The following DLGAP2 variants were observed in gnomAD, a reference collection of about 807,000 sequenced individuals.
DLGAP2 encodes DLG associated protein 2.
In DLGAP2, 26 loss-of-function variants were observed where a neutral mutation model predicts 100.3. The observed-to-expected ratio is 0.26, with a 90% CI of 0.19 to 0.36. The LOEUF is 0.36. Among genes scored for constraint, DLGAP2 ranks in the 10% least tolerant of loss-of-function variants. The pLI is 1.00. For synonymous variants in DLGAP2, 886 were observed against 630.1 expected, an observed-to-expected ratio of 1.41 and a Z score of -6.08; for missense variants, 1,858 against 1,453.2, an observed-to-expected ratio of 1.28 and a Z score of -4.53.
chr8:1,499,595 A>C (rs1563185036), intron 3 of DLGAP2, among the ~76,000 whole-genome samples: 1 of 152,226 alleles, frequency 6.6e-6, no homozygotes, highest in South Asian at 2.1e-4. Flanking sequence ...TAGCTGAAAA[A>C]CGCAGCTTAA....
intron 3 of DLGAP2, among the ~76,000 whole-genome samples, chr8:1,453,447 C>G (rs1407577744): frequency 6.6e-6 from 1 of 152,118 alleles, no homozygotes; most frequent in Non-Finnish European, 1.5e-5. Flanking sequence ...CTAATTATTC[C>G]ATACCTAACA....
intron 1 of DLGAP2, among the ~76,000 whole-genome samples, chr8:791,717 G>T (rs190108263): frequency 6.6e-6 from 1 of 152,214 alleles, no homozygotes; most frequent in African/African-American, 2.4e-5. Context: ...TTTTTTATTT[G>T]GGAGTAATTT....
chr8:1,119,862 TG>T (rs1201685905), intron 2 of DLGAP2, among the ~76,000 whole-genome samples: 1 of 152,148 alleles, frequency 6.6e-6, no homozygotes, highest in East Asian at 1.9e-4. Flanking sequence ...ATACAGTGAA[TG>T]GGGTCCAGCA....
intron 6 of DLGAP2, among the ~76,000 whole-genome samples, chr8:1,610,301 C>A (rs1342766379): frequency 2.6e-5 from 4 of 151,956 alleles, no homozygotes; most frequent in Non-Finnish European, 5.9e-5. Context: ...GGGTACATAA[C>A]GAAATGAAGG....
intron 2 of DLGAP2, among the ~76,000 whole-genome samples, chr8:965,681 A>T (rs540890975): frequency 1.5e-5 from 2 of 132,072 alleles, no homozygotes; most frequent in Non-Finnish European, 3.2e-5. Context: ...TGCACACGGC[A>T]CTGTTCACCT....
At chr8:1,231,087 A>T (rs1585172496) in intron 2 of DLGAP2, among the ~76,000 whole-genome samples, 1 of 152,314 alleles carries the variant, frequency 6.6e-6, no homozygotes, top group Middle Eastern at 3.4e-3. Context: ...ATGGGAGAAA[A>T]TATTTGCAAG....
intron 1 of DLGAP2, among the ~76,000 whole-genome samples, chr8:755,699 G>A (rs776099134): frequency 6.6e-6 from 1 of 152,178 alleles, no homozygotes; most frequent in Non-Finnish European, 1.5e-5. Flanking sequence ...TTGACTAGCG[G>A]CTGGCATGGC....
At chr8:1,544,688 A>G (rs1301503936) in intron 4 of DLGAP2, among the ~76,000 whole-genome samples, 1 of 151,986 alleles carries the variant, frequency 6.6e-6, no homozygotes, top group African/African-American at 2.4e-5. Flanking sequence ...CACTGTATAT[A>G]ATTCTCCTCA....
intron 1 of DLGAP2, among the ~76,000 whole-genome samples, chr8:900,335 G>A (rs139027369): frequency 0.011 from 1,701 of 150,872 alleles, 11 homozygotes; most frequent in Non-Finnish European, 0.017. Flanking sequence ...TGTCGCTCCC[G>A]GGTGGACGGT....
At chr8:1,337,516 ATGC>A (rs1258778893) in intron 3 of DLGAP2, among the ~76,000 whole-genome samples, 1 of 148,526 alleles carries the variant, frequency 6.7e-6, no homozygotes, top group Non-Finnish European at 1.5e-5. Context: ...GATGATGGTG[ATGC>A]TGATGATAGT....
At chr8:814,997 A>T (rs542957592) in intron 1 of DLGAP2, among the ~76,000 whole-genome samples, 1 of 152,328 alleles carries the variant, frequency 6.6e-6, no homozygotes, top group South Asian at 2.1e-4. Flanking sequence ...AGTGTTAAGC[A>T]TAAAAAGAAC....
chr8:1,340,406 A>C (rs1041765940), intron 3 of DLGAP2, among the ~76,000 whole-genome samples: 3 of 152,244 alleles, frequency 2.0e-5, no homozygotes, highest in African/African-American at 7.2e-5. Context: ...AACCATTAAA[A>C]AGCGGACAAA....
At chr8:1,416,848 C>T (rs373339906) in intron 3 of DLGAP2, among the ~76,000 whole-genome samples, 1 of 152,186 alleles carries the variant, frequency 6.6e-6, no homozygotes, top group Admixed American at 6.5e-5. Flanking sequence ...TGTTGCAAAG[C>T]GTGAGCATAA....
chr8:1,197,782 C>T (rs553775996), intron 2 of DLGAP2, among the ~76,000 whole-genome samples: 1 of 152,382 alleles, frequency 6.6e-6, no homozygotes, highest in South Asian at 2.1e-4. Flanking sequence ...CAGATGTCCA[C>T]ATGAACCGCA....
intron 2 of DLGAP2, among the ~76,000 whole-genome samples, chr8:1,134,059 A>G (rs573675605): frequency 1.3e-5 from 2 of 149,786 alleles, no homozygotes; most frequent in Non-Finnish European, 3.0e-5. Flanking sequence ...ATGAGTTCTC[A>G]TCATTTAGCT....
At chr8:786,490 C>G (rs1008814949) in intron 1 of DLGAP2, among the ~76,000 whole-genome samples, 3 of 152,172 alleles carry the variant, frequency 2.0e-5, no homozygotes, top group African/African-American at 7.2e-5. Flanking sequence ...TCTTCCCACC[C>G]CCACATAAGT....
intron 2 of DLGAP2, among the ~76,000 whole-genome samples, chr8:1,149,523 T>C (rs534609245): frequency 6.6e-6 from 1 of 152,364 alleles, no homozygotes; most frequent in East Asian, 1.9e-4. Context: ...ATATCAGTTT[T>C]CTTTGGGTTA....
chr8:1,280,023 G>A (rs757210684), intron 3 of DLGAP2, among the ~76,000 whole-genome samples: 2 of 152,220 alleles, frequency 1.3e-5, no homozygotes, highest in Admixed American at 6.5e-5. Context: ...ACTTTGAGGA[G>A]CTTAGAATTC....
chr8:1,208,763 A>T lies in DLGAP2; in HGVS notation c.74-50088A>T, dbSNP rs139787764. ...TAAATGAATTCAGTAAAGTTTCAGG[A>T]CACAAAATCAATGTACACAAATTAG... On this transcript the variant is annotated intron_variant, in intron 2 of 14. Transcript: ENST00000637795. Among the ~76,000 whole-genome samples, 802 of 152,230 alleles carry T rather than the reference A, an allele frequency of 5.3e-3. 9 individuals carry two copies. Among genetic ancestry groups the T allele is most frequent in the African/African-American group, 0.018 (767 of 41,536 alleles).
Sources: allele counts gnomAD v4.1 joint callset (sites outside exome capture counted in the v4.1 genomes callset), GRCh38; gene constraint gnomAD v4.1.1; transcripts MANE v1.5; gene names NCBI Gene and HGNC (gene_info 2026-07-23, HGNC 2026-07-21).